The following AKR1C3 variants were observed in gnomAD, a reference collection of about 807,000 sequenced individuals.
AKR1C3 encodes the protein aldo-keto reductase family 1 member C3.
A neutral mutation model predicts 43.6 loss-of-function variants in AKR1C3; 48 were observed. That is an observed-to-expected ratio of 1.10 (90% CI 0.87 to 1.40). The LOEUF is 1.40. Ranked by LOEUF, AKR1C3 falls within the 40% of genes most tolerant of loss-of-function variation. AKR1C3 has a pLI of 0.00. For missense variants in AKR1C3, 482 were observed against 391.2 expected (o/e 1.23, Z -1.96); for synonymous variants, 162 against 139.6 (o/e 1.16, Z -1.13).
At position 5,073,700 on chromosome 10, in the gene AKR1C3, A is replaced by T. The variant is rs570817673; in HGVS notation, c.85-22710A>T. Among the ~76,000 whole-genome samples, 3 of 152,312 alleles carry T rather than the reference A, an allele frequency of 2.0e-5. No individual in the cohort carries two copies. In the South Asian group the frequency reaches 6.2e-4, roughly 32 times the overall value. On this transcript the variant is annotated intron_variant, in intron 1 of 8. Transcript: ENST00000439082. ...AAGGAGACATGAGAAAAATGAAAAG[A>T]CTGCCATGACTGTATTTTGGTATTC... is the stretch of plus-strand genomic sequence containing the variant.
chr10:5,100,978 A>G (rs968001455), intron 5 of AKR1C3, among the ~76,000 whole-genome samples: 1 of 152,336 alleles, frequency 6.6e-6, no homozygotes, highest in Admixed American at 6.5e-5. Context: ...ATTCACCTCT[A>G]TAGACCTAAA....
intron 1 of AKR1C3, among the ~76,000 whole-genome samples, chr10:5,070,563 C>T (rs1261565179): frequency 1.3e-5 from 2 of 152,118 alleles, no homozygotes; most frequent in African/African-American, 4.8e-5. Flanking sequence ...TGGAATATAC[C>T]TTATGGAGAG....
intron 1 of AKR1C3, among the ~76,000 whole-genome samples, chr10:5,073,578 G>T (rs1334674006): frequency 3.3e-5 from 5 of 152,144 alleles, no homozygotes; most frequent in South Asian, 2.1e-4. Context: ...GACTCAGCGA[G>T]CAGCTCCAGC....
chr10:5,078,836 A>G (rs1838772430), intron 1 of AKR1C3, among the ~76,000 whole-genome samples: 1 of 152,260 alleles, frequency 6.6e-6, no homozygotes, highest in African/African-American at 2.4e-5. Context: ...TCAAGGTTAA[A>G]TAAGACAAGA....
intron 5 of AKR1C3, chr10:5,099,881 G>A: frequency 6.2e-6 from 1 of 160,922 alleles, no homozygotes; most frequent in Non-Finnish European, 1.4e-5. Context: ...GAGGTGCTAG[G>A]GGTTTACATG....
intron 8 of AKR1C3, 81 bp downstream of exon 8, chr10:5,105,758 C>T (rs587746088): frequency 4.0e-5 from 44 of 1,099,954 alleles, no homozygotes; most frequent in African/African-American, 4.7e-5. Context: ...GACCTCCATA[C>T]CAGAGGGACA....
intron 1 of AKR1C3, 69 bp downstream of exon 1, chr10:5,094,597 G>A: frequency 6.5e-7 from 1 of 1,544,134 alleles, no homozygotes; most frequent in Non-Finnish European, 8.9e-7. Context: ...ACCCGTATTG[G>A]GTTGTAAGGT....
chr10:5,059,614 T>C (rs1416624603), intron 1 of AKR1C3, among the ~76,000 whole-genome samples: 2 of 152,200 alleles, frequency 1.3e-5, no homozygotes, highest in Non-Finnish European at 2.9e-5. Context: ...CCCGTGTCTT[T>C]AGTCCAGCGG....
chr10:5,106,575 A>C (rs1032904091), intron 8 of AKR1C3, among the ~76,000 whole-genome samples: 1 of 152,098 alleles, frequency 6.6e-6, no homozygotes, highest in Non-Finnish European at 1.5e-5. Flanking sequence ...ACATGGTGAA[A>C]CCCTGTCTCT....
intron 1 of AKR1C3, among the ~76,000 whole-genome samples, chr10:5,065,838 A>C (rs1306563023): frequency 3.3e-5 from 5 of 152,154 alleles, no homozygotes; most frequent in Non-Finnish European, 2.9e-5. Flanking sequence ...TCATTTCCCC[A>C]CTGAGAGATG....
chr10:5,074,403 A>C (rs1838668967), intron 1 of AKR1C3, among the ~76,000 whole-genome samples: 1 of 152,212 alleles, frequency 6.6e-6, no homozygotes, highest in Admixed American at 6.5e-5. Flanking sequence ...AAATACAAGA[A>C]CAGCTGAAAA....
chr10:5,060,738 G>C (rs991486092), intron 1 of AKR1C3, among the ~76,000 whole-genome samples: 2 of 151,988 alleles, frequency 1.3e-5, no homozygotes, highest in African/African-American at 4.8e-5. Context: ...TGGAGCAGGG[G>C]GTGGCACTTG....
Position 5,096,420 on chromosome 10 carries a change from G to A in AKR1C3, c.95G>A (p.Ser32Asn). The change falls in exon 2 of 9, where the codon AGT becomes AAT. Residue 32 changes from serine (S) to asparagine (N), a missense_variant. Physicochemically the swap from Ser to Asn is conservative, Grantham distance 46 (BLOSUM62 1). Transcript: ENST00000380554. The part of the protein sequence containing the change: ...GTYAPPEVPR[S>N]KALEVTKLAI... ...TGGTTGCTCCTCCAGGTTCCGAGAAGTAAAGCTTTGGAGGTCACAAAATTA... is the reference window on the plus strand; with the variant it reads ...TGGTTGCTCCTCCAGGTTCCGAGAAATAAAGCTTTGGAGGTCACAAAATTA... 3 of 1,613,146 alleles carry A rather than the reference G, an allele frequency of 1.9e-6. No individual in the cohort carries two copies. The highest frequency in any genetic ancestry group is 2.5e-6 in the Non-Finnish European group (3 of 1,179,376).
intron 1 of AKR1C3, chr10:5,080,625 TCAAA>T (rs59461346): frequency 0.012 from 1,848 of 151,812 alleles, 20 homozygotes; most frequent in Non-Finnish European, 0.02. Context: ...AGACTCCGTC[TCAAA>T]CAAACAAACA....
chr10:5,102,573 C>G lies in AKR1C3; in HGVS notation c.769C>G (p.Leu257Val), dbSNP rs1839385217. Residue 257 changes from leucine to valine, a missense_variant, in exon 7 of 9, where the codon CTG becomes GTG. Transcript: ENST00000380554. ...KHKRTPALIA[L>V]RYQLQRGVVV... ...CAAGCGAACCCCAGCCCTGATTGCC[C>G]TGCGCTACCAGCTGCAGCGTGGGGT... 6.4e-7 allele frequency: 1 copy of G among 1,561,168 alleles called. No individual in the cohort carries two copies.
intron 1 of AKR1C3, 90 bp downstream of exon 1, chr10:5,094,618 A>T (rs1050087625): frequency 4.2e-6 from 6 of 1,423,888 alleles, no homozygotes; most frequent in Non-Finnish European, 5.9e-6. Context: ...TCGTGTTCCT[A>T]CCTTACTCTG....
At chr10:5,106,976 T>C (rs1839518925) in intron 8 of AKR1C3, among the ~76,000 whole-genome samples, 1 of 152,182 alleles carries the variant, frequency 6.6e-6, no homozygotes, top group Non-Finnish European at 1.5e-5. Context: ...ATTCTTATCA[T>C]CCATTAAAAA....
intron 1 of AKR1C3, chr10:5,080,771 C>A (rs1373261637): frequency 6.6e-6 from 1 of 152,278 alleles, no homozygotes; most frequent in Non-Finnish European, 1.5e-5. Flanking sequence ...CTGGTTGACA[C>A]CTGACAGGAA....
At chr10:5,104,870 G>A (rs1189781986) in intron 7 of AKR1C3, among the ~76,000 whole-genome samples, 1 of 152,062 alleles carries the variant, frequency 6.6e-6, no homozygotes, top group Non-Finnish European at 1.5e-5. Context: ...TTTCTAATGT[G>A]TAGAAATGTT....
Sources: gnomAD v4.1 joint callset for allele counts (sites outside exome capture counted in the v4.1 genomes callset) on GRCh38, gnomAD v4.1.1 for gene constraint, MANE v1.5 for transcripts, NCBI Gene and HGNC (gene_info 2026-07-23, HGNC 2026-07-21) for gene names.